The following GAS2 variants were observed in gnomAD, a reference collection of about 807,000 sequenced individuals.
GAS2 encodes growth arrest-specific protein 2.
In GAS2, 20 loss-of-function variants were observed where a neutral mutation model predicts 37.5. The ratio of observed to expected loss-of-function variants is 0.53; its 90% CI spans 0.37 to 0.77. The LOEUF (loss-of-function observed/expected upper bound fraction) is 0.77, where lower values mean the gene tolerates loss of function less well. Among genes scored for constraint, GAS2 ranks in the 30% least tolerant of loss-of-function variants. The pLI, the probability that GAS2 is intolerant of heterozygous loss-of-function variation, is 0.00. For synonymous variants in GAS2, 144 were observed against 132.2 expected, an observed-to-expected ratio of 1.09 and a Z score of -0.61; for missense variants, 336 against 373.4, an observed-to-expected ratio of 0.90 and a Z score of 0.82.
At chr11:22,736,548 G>C (rs946133180) in intron 4 of GAS2, among the ~76,000 whole-genome samples, 2 of 151,976 alleles carry the variant, frequency 1.3e-5, no homozygotes, top group African/African-American at 4.8e-5. Context: ...TCAGGTAAAA[G>C]TGTTTATTCT....
At chr11:22,809,654 A>ATTT (rs34667252) in intron 7 of GAS2, among the ~76,000 whole-genome samples, 2 of 131,918 alleles carry the variant, frequency 1.5e-5, no homozygotes, top group Non-Finnish European at 3.2e-5. Flanking sequence ...TGCCCAGCTA[A>ATTT]TTTTTTTTTT....
chr11:22,684,001 G>A (rs550590789), intron 2 of GAS2, among the ~76,000 whole-genome samples: 6 of 152,308 alleles, frequency 3.9e-5, no homozygotes, highest in African/African-American at 1.4e-4. Context: ...TGTACTGGAT[G>A]AATCTCCCTC....
intron 7 of GAS2, among the ~76,000 whole-genome samples, chr11:22,773,728 C>G (rs540975808): frequency 4.6e-5 from 7 of 152,212 alleles, no homozygotes; most frequent in Non-Finnish European, 8.8e-5. Context: ...CAAGATGGCC[C>G]TTTCTACTTG....
intron 7 of GAS2, among the ~76,000 whole-genome samples, chr11:22,803,133 C>T (rs1254888311): frequency 6.6e-6 from 1 of 152,056 alleles, no homozygotes; most frequent in Non-Finnish European, 1.5e-5. Flanking sequence ...TGGTCAAGAG[C>T]CGCTACCTTT....
chr11:22,659,314 G>A (rs774403628), intron 1 of GAS2, among the ~76,000 whole-genome samples: 4 of 152,026 alleles, frequency 2.6e-5, no homozygotes, highest in Admixed American at 1.3e-4. Context: ...TCAATTCCTA[G>A]TCAGCTTATT....
chr11:22,680,523 A>G (rs997302953), intron 2 of GAS2, among the ~76,000 whole-genome samples: 1 of 152,176 alleles, frequency 6.6e-6, no homozygotes, highest in African/African-American at 2.4e-5. Context: ...TGAGAGGTAC[A>G]GTGGGGATGA....
At chr11:22,699,268 T>G (rs1235859478) in intron 3 of GAS2, among the ~76,000 whole-genome samples, 1 of 152,166 alleles carries the variant, frequency 6.6e-6, no homozygotes, top group Non-Finnish European at 1.5e-5. Context: ...AGGGGAGTAA[T>G]GATCTCAAGT....
intron 1 of GAS2, among the ~76,000 whole-genome samples, chr11:22,647,765 G>C (rs1164400121): frequency 6.6e-6 from 1 of 151,924 alleles, no homozygotes; most frequent in Non-Finnish European, 1.5e-5. Flanking sequence ...CTTTTTGATG[G>C]GGTTGTTTGT....
intron 3 of GAS2, among the ~76,000 whole-genome samples, chr11:22,715,888 C>CA (rs200463783): frequency 0.013 from 2,012 of 149,742 alleles, 43 homozygotes; most frequent in African/African-American, 0.046. Context: ...AAGAACATAA[C>CA]AAAAAAAAAG....
intron 3 of GAS2, among the ~76,000 whole-genome samples, chr11:22,702,838 G>A (rs1850917356): frequency 2.0e-5 from 3 of 152,166 alleles, no homozygotes; most frequent in Non-Finnish European, 1.5e-5. Flanking sequence ...AGAAGAGATA[G>A]GGAAAGACCA....
intron 3 of GAS2, among the ~76,000 whole-genome samples, chr11:22,699,667 A>G (rs1236082855): frequency 1.3e-5 from 2 of 151,940 alleles, no homozygotes; most frequent in Non-Finnish European, 2.9e-5. Context: ...TGAAATCATA[A>G]CTCCTCCTCT....
At chr11:22,743,315 A>T (rs1472878439) in intron 5 of GAS2, among the ~76,000 whole-genome samples, 1 of 152,094 alleles carries the variant, frequency 6.6e-6, no homozygotes, top group African/African-American at 2.4e-5. Flanking sequence ...TATTCTAAAA[A>T]CCAAGAATTT....
chr11:22,673,822 G>T (rs1323078557), intron 1 of GAS2, among the ~76,000 whole-genome samples: 1 of 152,180 alleles, frequency 6.6e-6, no homozygotes, highest in African/African-American at 2.4e-5. Context: ...TACAACCCAA[G>T]TAGGGGATTG....
intron 4 of GAS2, among the ~76,000 whole-genome samples, chr11:22,735,826 C>T (rs1365157710): frequency 6.6e-6 from 1 of 151,814 alleles, no homozygotes; most frequent in African/African-American, 2.4e-5. Context: ...TTTTGACACT[C>T]TTGTCATCAA....
chr11:22,706,620 T>C (rs1851136250), intron 3 of GAS2, among the ~76,000 whole-genome samples: 2 of 152,166 alleles, frequency 1.3e-5, no homozygotes, highest in Non-Finnish European at 2.9e-5. Flanking sequence ...TTACTGAGAA[T>C]GATGGTTTCC....
At chr11:22,778,640 A>G (rs920332813) in intron 7 of GAS2, among the ~76,000 whole-genome samples, 3 of 152,254 alleles carry the variant, frequency 2.0e-5, no homozygotes, top group African/African-American at 4.8e-5. Flanking sequence ...GAGGAGCAGT[A>G]TAGCAGATTT....
chr11:22,806,940 C>A, intron 7 of GAS2, among the ~76,000 whole-genome samples: 1 of 152,142 alleles, frequency 6.6e-6, no homozygotes, highest in South Asian at 2.1e-4. Flanking sequence ...AATCAATATT[C>A]TTCTTTGAAG....
intron 5 of GAS2, among the ~76,000 whole-genome samples, chr11:22,746,564 G>A (rs1182101680): frequency 6.6e-6 from 1 of 152,132 alleles, no homozygotes; most frequent in Non-Finnish European, 1.5e-5. Flanking sequence ...CATAGAGGCA[G>A]CTGAAGGCCA....
chr11:22,663,365 C>T (rs1484638382), upstream of GAS2, among the ~76,000 whole-genome samples: 2 of 151,194 alleles, frequency 1.3e-5, no homozygotes, highest in Non-Finnish European at 2.9e-5. Context: ...AAGGTCAAGG[C>T]TGCAGTAAGC....
Sources: allele counts gnomAD v4.1 joint callset (sites outside exome capture counted in the v4.1 genomes callset), GRCh38; gene constraint gnomAD v4.1.1; transcripts MANE v1.5; gene names NCBI Gene and HGNC (gene_info 2026-07-23, HGNC 2026-07-21).